Variants in FOXP1 observed in about 807,000 individuals in gnomAD.
FOXP1 encodes forkhead box protein P1.
FOXP1 carries 15 observed loss-of-function variants against 98.2 expected under a neutral mutation model. The observed-to-expected ratio is 0.15, with a 90% CI of 0.10 to 0.24. FOXP1 has a LOEUF of 0.24. Among genes scored for constraint, FOXP1 ranks in the 10% least tolerant of loss-of-function variants. The pLI, the probability that FOXP1 is intolerant of heterozygous loss-of-function variation, is 1.00. For synonymous variants in FOXP1, 371 were observed against 314.5 expected, an observed-to-expected ratio of 1.18 and a Z score of -1.90; for missense variants, 633 against 848.5, an observed-to-expected ratio of 0.75 and a Z score of 3.15.
chr3:71,041,614 T>C, intron 10 of FOXP1, 82 bp from the exon 11 acceptor site: 2 of 1,380,342 alleles, frequency 1.4e-6, no homozygotes, highest in African/African-American at 2.8e-5. Context: ...AAAGAGTCAG[T>C]AAACAAAGCC....
intron 3 of FOXP1, among the ~76,000 whole-genome samples, chr3:71,368,150 A>C (rs1346187086): frequency 6.6e-6 from 1 of 151,972 alleles, no homozygotes. Context: ...TTTTAGATGG[A>C]GTTTCACTCG....
intron 3 of FOXP1, among the ~76,000 whole-genome samples, chr3:71,399,168 CTA>C (rs1222863657): frequency 1.3e-5 from 2 of 152,056 alleles, no homozygotes; most frequent in Non-Finnish European, 2.9e-5. Context: ...ATACGTGTGT[CTA>C]TGTGTGTACA....
At chr3:70,972,116 G>T (rs2036394606) in intron 18 of FOXP1, 2 of 1,534,090 alleles carry the variant, frequency 1.3e-6, no homozygotes, top group East Asian at 4.9e-5. Context: ...TGTCCAAAAG[G>T]ACCCAAACTC....
rs199512572 is a variant in FOXP1 at position 71,385,155 on chromosome 3, T to C, written c.-167-25911A>G. Among the ~76,000 whole-genome samples the C allele has an allele frequency of 1.1e-4, 16 of 151,154 alleles. No homozygotes were observed. In the East Asian group the frequency reaches 1.7e-3, roughly 16 times the overall value. On this transcript the variant is annotated intron_variant, in intron 3 of 20. Transcript: ENST00000649528. Reference sequence around the variant, plus strand: ...TGCAATCCTTCATTGGCAAAAGCAATGCTTCTCATATGCATTTCGGCAGAT... The same window carrying C: ...TGCAATCCTTCATTGGCAAAAGCAACGCTTCTCATATGCATTTCGGCAGAT...
chr3:71,092,973 A>C lies in FOXP1; in HGVS notation c.282+19563T>G, dbSNP rs75961300. ...ATATTTACCAAATGCTTTAAAAGGCAAAAAAGCTCAGGCGTGGTGGCTCAC... is the reference window on the plus strand; with the variant it reads ...ATATTTACCAAATGCTTTAAAAGGCCAAAAAGCTCAGGCGTGGTGGCTCAC... On this transcript the variant is annotated intron_variant, in intron 7 of 20. Coordinates refer to ENST00000649528, the MANE Select transcript of FOXP1 (RefSeq NM_001349338.3). Among the ~76,000 whole-genome samples the C allele has an allele frequency of 4.0e-4, 61 of 152,330 alleles. No homozygotes were observed. The East Asian group carries it at 0.012, about 29-fold the overall frequency.
rs779355612 is a variant in FOXP1, at chr3:71,470,205, G to A, written c.-168+23221C>T. The stretch of plus-strand genomic sequence containing the variant: ...CCTACATTCTAGCTGTGTGACCGTG[G>A]GTAAGTTATTTAACATCTCCTTAAC... On this transcript the variant is annotated intron_variant, in intron 3 of 20. Transcript: ENST00000649528. 8.6e-4 allele frequency among the ~76,000 whole-genome samples: 130 copies of A among 152,038 alleles called. 1 individual carries two copies. The highest frequency in any genetic ancestry group is 1.7e-3 in the Non-Finnish European group (113 of 68,002).
chr3:71,126,911 A>G (rs2059246877), intron 6 of FOXP1, among the ~76,000 whole-genome samples: 2 of 151,970 alleles, frequency 1.3e-5, no homozygotes, highest in African/African-American at 2.4e-5. Context: ...AGAAAGAAGA[A>G]AAAAGAAAAG....
chr3:71,582,072 C>A, intron 1 of FOXP1: 1 of 954,900 alleles, frequency 1.0e-6, no homozygotes, highest in Non-Finnish European at 1.2e-6. Flanking sequence ...GGGAGCTGCG[C>A]GGGAATGGGG....
chr3:70,991,539 T>A (rs1172795331), intron 13 of FOXP1, among the ~76,000 whole-genome samples: 1 of 152,188 alleles, frequency 6.6e-6, no homozygotes, highest in African/African-American at 2.4e-5. Flanking sequence ...AACATCACCA[T>A]TTTCTATGTT....
At chr3:71,289,019 CTTATTTATTTAT>C (rs55803418) in intron 5 of FOXP1, among the ~76,000 whole-genome samples, 3 of 148,674 alleles carry the variant, frequency 2.0e-5, no homozygotes, top group Admixed American at 6.7e-5. Flanking sequence ...CAACTCTCTT[CTTATTTATTTAT>C]TTATTTATTT....
chr3:71,281,554 C>T (rs1435722660), intron 5 of FOXP1, among the ~76,000 whole-genome samples: 2 of 152,220 alleles, frequency 1.3e-5, no homozygotes, highest in Non-Finnish European at 2.9e-5. Context: ...ATGGTTTCTG[C>T]CCACATTGCT....
chr3:71,333,880 C>G (rs1222435999), intron 4 of FOXP1: 1 of 151,406 alleles, frequency 6.6e-6, no homozygotes, highest in African/African-American at 2.4e-5. Context: ...AAGAATTCGA[C>G]TGGCTGAGAA....
intron 3 of FOXP1, among the ~76,000 whole-genome samples, chr3:71,464,590 C>T (rs2088501000): frequency 6.6e-6 from 1 of 152,086 alleles, no homozygotes; most frequent in South Asian, 2.1e-4. Context: ...AGCAAGATGC[C>T]CTCCCCCCGA....
chr3:71,458,142 ATTACT>A (rs1332900299), intron 3 of FOXP1, among the ~76,000 whole-genome samples: 1 of 152,234 alleles, frequency 6.6e-6, no homozygotes, highest in Non-Finnish European at 1.5e-5. Context: ...TTGATACAAG[ATTACT>A]TCACTTCTGG....
At chr3:71,079,828 A>C (rs754047631) in intron 7 of FOXP1, among the ~76,000 whole-genome samples, 2 of 152,226 alleles carry the variant, frequency 1.3e-5, no homozygotes, top group Non-Finnish European at 2.9e-5. Flanking sequence ...TAGATGAGCG[A>C]GCTTACTTAA....
chr3:71,065,912 C>A (rs1016174418), intron 7 of FOXP1: 4 of 151,908 alleles, frequency 2.6e-5, no homozygotes, highest in African/African-American at 9.7e-5. Context: ...TTAATCTAGT[C>A]CATTTCGGCG....
chr3:71,317,651 T>G (rs1407682969), intron 4 of FOXP1, among the ~76,000 whole-genome samples: 1 of 150,656 alleles, frequency 6.6e-6, no homozygotes, highest in Admixed American at 6.6e-5. Context: ...AAAATTCTAC[T>G]TTGTGAGAGT....
chr3:71,566,104 A>G (rs2046893700), intron 2 of FOXP1, among the ~76,000 whole-genome samples: 1 of 152,240 alleles, frequency 6.6e-6, no homozygotes, highest in African/African-American at 2.4e-5. Context: ...CCACCATGAC[A>G]GCAGTTAAAG....
chr3:71,139,526 C>T (rs2059969429), intron 6 of FOXP1, among the ~76,000 whole-genome samples: 1 of 151,842 alleles, frequency 6.6e-6, no homozygotes, highest in Non-Finnish European at 1.5e-5. Flanking sequence ...TTGATCTACT[C>T]TGCCCTTGTT....
Sources: gnomAD v4.1 joint callset for allele counts (sites outside exome capture counted in the v4.1 genomes callset) on GRCh38, gnomAD v4.1.1 for gene constraint, MANE v1.5 for transcripts, NCBI Gene and HGNC (gene_info 2026-07-23, HGNC 2026-07-21) for gene names.